DCC: variants seen among roughly 807,000 people sequenced by gnomAD.
The protein encoded by DCC is netrin receptor DCC.
DCC carries 58 observed loss-of-function variants against 172.5 expected under a neutral mutation model. That is an observed-to-expected ratio of 0.34 (90% CI 0.27 to 0.42). DCC has a LOEUF of 0.42. DCC is among the 10% of genes least tolerant of loss of function. DCC has a pLI of 1.00. For synonymous variants in DCC, 709 were observed against 644.5 expected (o/e 1.10, Z -1.52); for missense variants, 1,740 against 1,791.0 (o/e 0.97, Z 0.51).
intron 5 of DCC, among the ~76,000 whole-genome samples, chr18:52,948,578 G>T (rs114276675): frequency 0.012 from 1,856 of 152,158 alleles, 40 homozygotes; most frequent in African/African-American, 0.042. Flanking sequence ...AGGGTTAAAT[G>T]GCATGCCTAC....
chr18:53,047,284 AT>A (rs2042257514), intron 5 of DCC, among the ~76,000 whole-genome samples: 1 of 17,656 alleles, frequency 5.7e-5, no homozygotes, highest in Admixed American at 3.9e-4. Flanking sequence ...ATATATATAT[AT>A]ATAATTTTAT....
At chr18:52,897,591 C>T (rs1468883859) in intron 2 of DCC, among the ~76,000 whole-genome samples, 1 of 152,204 alleles carries the variant, frequency 6.6e-6, no homozygotes, top group Non-Finnish European at 1.5e-5. Flanking sequence ...TATTTATCCA[C>T]TTAACTTTTT....
At chr18:53,151,820 C>G (rs995590010) in intron 7 of DCC, among the ~76,000 whole-genome samples, 7 of 152,032 alleles carry the variant, frequency 4.6e-5, no homozygotes, top group Middle Eastern at 3.7e-3. Context: ...AATAATGTAA[C>G]ATTTTAGAAA....
At chr18:52,396,091 A>G (rs1568149385) in intron 1 of DCC, among the ~76,000 whole-genome samples, 1 of 151,984 alleles carries the variant, frequency 6.6e-6, no homozygotes, top group Non-Finnish European at 1.5e-5. Context: ...TGCAAACACT[A>G]ATACTGACGC....
At chr18:53,212,802 C>T (rs2055778649) in intron 11 of DCC, among the ~76,000 whole-genome samples, 1 of 152,044 alleles carries the variant, frequency 6.6e-6, no homozygotes, top group Non-Finnish European at 1.5e-5. Context: ...TCTGGAGTAG[C>T]TGGGACTACA....
intron 5 of DCC, among the ~76,000 whole-genome samples, chr18:53,008,049 G>A (rs111454094): frequency 0.023 from 3,475 of 152,192 alleles, 50 homozygotes; most frequent in Middle Eastern, 0.051. Context: ...AAACTATGAA[G>A]CAACACCAGA....
At chr18:53,036,736 G>A (rs2042098296) in intron 5 of DCC, among the ~76,000 whole-genome samples, 1 of 151,882 alleles carries the variant, frequency 6.6e-6, no homozygotes, top group African/African-American at 2.4e-5. Context: ...ATTGTGCGTG[G>A]AGAAGGCAAA....
At chr18:52,408,301 G>C (rs528515423) in intron 1 of DCC, among the ~76,000 whole-genome samples, 2 of 100,544 alleles carry the variant, frequency 2.0e-5, no homozygotes, top group South Asian at 6.8e-4. Context: ...AATGTAGTTA[G>C]AAGACATTTT....
chr18:53,512,188 C>A (rs575120204), intron 27 of DCC, among the ~76,000 whole-genome samples: 1 of 152,222 alleles, frequency 6.6e-6, no homozygotes, highest in South Asian at 2.1e-4. Flanking sequence ...GAGGCACCCC[C>A]CAGCAGGAGC....
chr18:53,033,966 T>C (rs1179954609), intron 5 of DCC, among the ~76,000 whole-genome samples: 1 of 152,012 alleles, frequency 6.6e-6, no homozygotes, highest in African/African-American at 2.4e-5. Context: ...CAATCTTCAT[T>C]TTTCTTTTGG....
At chr18:52,935,661 C>T (rs1228315679) in intron 5 of DCC, among the ~76,000 whole-genome samples, 2 of 151,968 alleles carry the variant, frequency 1.3e-5, no homozygotes, top group Admixed American at 1.3e-4. Flanking sequence ...TATCCATTTG[C>T]TTGAGGTTAG....
chr18:52,767,465 T>C (rs2037272283), intron 2 of DCC, among the ~76,000 whole-genome samples: 1 of 152,186 alleles, frequency 6.6e-6, no homozygotes, highest in Admixed American at 6.5e-5. Context: ...ATTACAGACA[T>C]AAAAATAATG....
At chr18:53,290,671 T>C (rs1490083454) in intron 12 of DCC, among the ~76,000 whole-genome samples, 1 of 152,164 alleles carries the variant, frequency 6.6e-6, no homozygotes, top group Non-Finnish European at 1.5e-5. Context: ...CACAAGATCT[T>C]ATTTCCTTAT....
At chr18:52,793,918 T>A (rs2037822614) in intron 2 of DCC, among the ~76,000 whole-genome samples, 1 of 152,212 alleles carries the variant, frequency 6.6e-6, no homozygotes, top group African/African-American at 2.4e-5. Flanking sequence ...ATTCTCTTTG[T>A]GCCTTTTTTA....
chr18:53,135,435 A>C (rs1325201854), intron 7 of DCC, among the ~76,000 whole-genome samples: 6 of 152,214 alleles, frequency 3.9e-5, no homozygotes, highest in African/African-American at 1.2e-4. Flanking sequence ...TATGCAGGAA[A>C]GGCAATAAAA....
chr18:52,815,651 T>A (rs2038282542), intron 2 of DCC, among the ~76,000 whole-genome samples: 1 of 152,228 alleles, frequency 6.6e-6, no homozygotes. Context: ...CCAGAGCTGA[T>A]TAACACAGTA....
Position 52,482,034 on chromosome 18 carries a change from T to C in DCC, c.91+141156T>C, listed in dbSNP as rs1041015305. 3.3e-5 allele frequency among the ~76,000 whole-genome samples: 5 copies of C among 152,150 alleles called. No individual in the cohort carries two copies. In the South Asian group the frequency reaches 1.0e-3, roughly 32 times the overall value. ...TTTAGTCAACTTTCAGCGTCAGGGA[T>C]TTCGTTTTATCAAAGAGGAGGCTTT... On this transcript the variant is annotated intron_variant, in intron 1 of 28. Coordinates refer to ENST00000442544, the MANE Select transcript of DCC (RefSeq NM_005215.4).
In DCC at chr18:53,086,142, C is replaced by T. The variant is rs1599114144; in HGVS notation, c.1261+19976C>T. ...CCTCCTCCTCCTCCTCCTCCTCCTC[C>T]TCCTCCTCCTCTTCCTCTTCTCTTC... On this transcript the variant is annotated intron_variant, in intron 7 of 28. Transcript: ENST00000442544. 7.4e-5 allele frequency among the ~76,000 whole-genome samples: 2 copies of T among 26,926 alleles called. 1 individual carries two copies. The highest frequency in any genetic ancestry group is 1.0e-3 in the African/African-American group (2 of 1,972). 17.7% of individuals were successfully genotyped at this position (26,926 alleles called of 152,430 possible).
chr18:53,416,168 C>G lies in DCC; in HGVS notation c.3163+12C>G. On this transcript the variant is annotated intron_variant, in intron 21 of 28. Transcript: ENST00000442544. ...GGCTAATGACCAAGGTATGGTGGCT[C>G]AATCTGTCATTTTGTGTTCCTTGAA... 6.3e-7 allele frequency: 1 copy of G among 1,595,964 alleles called. No homozygotes were observed. The highest frequency in any genetic ancestry group is 1.1e-5 in the South Asian group (1 of 90,704).
Sources: gnomAD v4.1 joint callset for allele counts (sites outside exome capture counted in the v4.1 genomes callset) on GRCh38, gnomAD v4.1.1 for gene constraint, MANE v1.5 for transcripts, NCBI Gene and HGNC (gene_info 2026-07-23, HGNC 2026-07-21) for gene names.